Variants in ST3GAL4 observed in about 807,000 individuals in gnomAD.
ST3GAL4 encodes the protein CMP-N-acetylneuraminate-beta-galactosamide-alpha-2,3-sialyltransferase 4.
Under a neutral mutation model 42.6 loss-of-function variants are expected in ST3GAL4, and 24 were observed. That is an observed-to-expected ratio of 0.56 (90% CI 0.41 to 0.79). The LOEUF is 0.79. ST3GAL4 is among the 30% of genes least tolerant of loss of function. ST3GAL4 has a pLI of 0.00. For missense variants in ST3GAL4, 311 were observed against 430.8 expected, an observed-to-expected ratio of 0.72 and a Z score of 2.46; for synonymous variants, 135 against 163.2, an observed-to-expected ratio of 0.83 and a Z score of 1.32.
intron 1 of ST3GAL4, among the ~76,000 whole-genome samples, chr11:126,402,914 G>A: frequency 6.6e-6 from 1 of 152,328 alleles, no homozygotes; most frequent in Non-Finnish European, 1.5e-5. Context: ...TTGCCCAGCA[G>A]GTCGGGTGAG....
chr11:126,390,139 G>A (rs1953431577), intron 1 of ST3GAL4, among the ~76,000 whole-genome samples: 1 of 150,864 alleles, frequency 6.6e-6, no homozygotes, highest in Admixed American at 6.6e-5. Context: ...CTGAGATCAC[G>A]CCACTGCACT....
chr11:126,404,744 C>G (rs1417865419), intron 1 of ST3GAL4, among the ~76,000 whole-genome samples: 4 of 152,250 alleles, frequency 2.6e-5, no homozygotes, highest in African/African-American at 9.6e-5. Flanking sequence ...GTGCTTCTGA[C>G]TCTCCTGAGG....
chr11:126,364,389 C>T lies in ST3GAL4; in HGVS notation c.-61+8547C>T, dbSNP rs943502640. Among the ~76,000 whole-genome samples the T allele has an allele frequency of 2.1e-5, 3 of 144,748 alleles. No homozygotes were observed. In the Admixed American group the frequency reaches 2.1e-4, roughly 10 times the overall value. 95.0% of individuals were successfully genotyped at this position (144,748 alleles called of 152,430 possible). On this transcript the variant is annotated intron_variant, in intron 1 of 10. Coordinates refer to ENST00000444328, the MANE Select transcript of ST3GAL4 (RefSeq NM_001254757.2). ...GGGAGCAGGAGGGGGAAGTGCTGGT[C>T]TTGACCTCCCAGTTCTGCCTCCTGC...
chr11:126,374,677 G>C (rs679845), intron 1 of ST3GAL4, among the ~76,000 whole-genome samples: 2 of 152,102 alleles, frequency 1.3e-5, no homozygotes, highest in Non-Finnish European at 2.9e-5. Context: ...CTGGCCAGTA[G>C]AGCACGTGTG....
At chr11:126,357,783 C>T (rs1952118584) in intron 1 of ST3GAL4, among the ~76,000 whole-genome samples, 1 of 152,238 alleles carries the variant, frequency 6.6e-6, no homozygotes, top group African/African-American at 2.4e-5. Context: ...TGGGGGCTAC[C>T]CCAGGTCTGA....
chr11:126,405,894 G>T, intron 1 of ST3GAL4: 2 of 643,848 alleles, frequency 3.1e-6, no homozygotes, highest in Non-Finnish European at 5.3e-6. Flanking sequence ...CCGTGGCAGG[G>T]CTCACCTGGA....
rs1003204634 is a variant in ST3GAL4 at position 126,373,780 on chromosome 11, C to T, written c.-61+17938C>T. 1.8e-4 allele frequency among the ~76,000 whole-genome samples: 28 copies of T among 152,080 alleles called. No homozygotes were observed. Among genetic ancestry groups the T allele is most frequent in the African/African-American group, 6.8e-4 (28 of 41,410 alleles). Reference sequence around the variant, plus strand: ...TGAGGCAGTTAGCTGGTCAGTTACTCACTGTGCTCTCTGCCAACTCTAATG... The same window carrying T: ...TGAGGCAGTTAGCTGGTCAGTTACTTACTGTGCTCTCTGCCAACTCTAATG... On this transcript the variant is annotated intron_variant, in intron 1 of 10. Transcript: ENST00000444328. The surrounding 1 kb of genome is among the most constrained non-coding windows in gnomAD (Gnocchi z 5.5).
rs1045158694 is a variant in ST3GAL4, at chr11:126,366,674, G to A, written c.-61+10832G>A. Among the ~76,000 whole-genome samples the A allele has an allele frequency of 1.3e-5, 2 of 152,046 alleles. No individual in the cohort carries two copies. The highest frequency in any genetic ancestry group is 2.9e-5 in the Non-Finnish European group (2 of 68,026). On this transcript the variant is annotated intron_variant, in intron 1 of 10. Transcript: ENST00000444328. The surrounding 1 kb of genome is among the most constrained non-coding windows in gnomAD (Gnocchi z 4.2). ...AATGAGACTTCAGGTGTGGACCCTC[G>A]AACCCTCAGCTGCACAGGTCTGGAA...
rs890796451 is a variant in ST3GAL4 at position 126,407,701 on chromosome 11, C to T, written c.341+67C>T. The T allele has an allele frequency of 1.3e-5, 19 of 1,455,808 alleles. No individual in the cohort carries two copies. In the South Asian group the frequency reaches 1.8e-4, roughly 14 times the overall value. 90.2% of individuals were successfully genotyped at this position (1,455,808 alleles called of 1,614,324 possible). A position where few individuals can be genotyped will look rare whatever the true frequency, so the allele number is the denominator to read the frequency against. ...TTTCCTGCCCCCTGCCCGCTCCCCCCACTCCCCACCCCCCCGCTCTGTGAA... is the reference window on the plus strand; with the variant it reads ...TTTCCTGCCCCCTGCCCGCTCCCCCTACTCCCCACCCCCCCGCTCTGTGAA... On this transcript the variant is annotated intron_variant, in intron 6 of 10. Coordinates refer to ENST00000444328, the MANE Select transcript of ST3GAL4 (RefSeq NM_001254757.2).
rs1197700547 is a variant in ST3GAL4, at chr11:126,407,438, G to T, written c.280+89G>T. The stretch of plus-strand genomic sequence containing the variant: ...TGCCGTCCACGGCCCCAGTGCCCAA[G>T]TTCTGAGCCTGACTCGGGTACCAGG... On this transcript the variant is annotated intron_variant, in intron 5 of 10. Coordinates refer to ENST00000444328, the MANE Select transcript of ST3GAL4 (RefSeq NM_001254757.2). 3.2e-6 allele frequency: 5 copies of T among 1,567,042 alleles called. No individual in the cohort carries two copies. In the African/African-American group the frequency reaches 5.4e-5, roughly 17 times the overall value.
intron 1 of ST3GAL4, among the ~76,000 whole-genome samples, chr11:126,365,771 A>G (rs1172648771): frequency 2.6e-5 from 4 of 152,282 alleles, no homozygotes; most frequent in East Asian, 3.9e-4. Context: ...GGGTGGGCTG[A>G]GAGGACAGTC....
At chr11:126,402,091 A>AGCGGG (rs146212978) in intron 1 of ST3GAL4, among the ~76,000 whole-genome samples, 2 of 131,744 alleles carry the variant, frequency 1.5e-5, no homozygotes, top group East Asian at 6.3e-4. Flanking sequence ...ATTTGGGGGA[A>AGCGGG]AGAGGGGAGG....
chr11:126,388,628 G>A (rs1246106334), intron 1 of ST3GAL4, among the ~76,000 whole-genome samples: 1 of 143,560 alleles, frequency 7.0e-6, no homozygotes, highest in African/African-American at 2.7e-5. Flanking sequence ...CACTGCGCCT[G>A]GCCCTTTGCC....
intron 1 of ST3GAL4, among the ~76,000 whole-genome samples, chr11:126,404,427 G>T (rs1486274695): frequency 6.6e-6 from 1 of 152,166 alleles, no homozygotes; most frequent in African/African-American, 2.4e-5. Flanking sequence ...CTAGAGCTGC[G>T]AACAGGACAG....
At position 126,362,497 on chromosome 11, in the gene ST3GAL4, C is replaced by T. The variant is rs531845469; in HGVS notation, c.-61+6655C>T. Among the ~76,000 whole-genome samples the T allele has an allele frequency of 2.0e-5, 3 of 152,198 alleles. No individual in the cohort carries two copies. The South Asian group carries it at 6.2e-4, about 32-fold the overall frequency. On this transcript the variant is annotated intron_variant, in intron 1 of 10. Coordinates refer to ENST00000444328, the MANE Select transcript of ST3GAL4 (RefSeq NM_001254757.2). ...ATTATAGGTGTGAACTACCGTGCTC[C>T]GCCTGGCCAACACTTCTTAATGGGA... is the stretch of plus-strand genomic sequence containing the variant.
Position 126,408,161 on chromosome 11 carries a change from G to A in ST3GAL4, c.404G>A (p.Gly135Glu). 1 of 1,614,174 alleles carries A rather than the reference G, an allele frequency of 6.2e-7. No homozygotes were observed. Among genetic ancestry groups the A allele is most frequent in the South Asian group, 1.1e-5 (1 of 91,078 alleles). Residue 135 changes from glycine (G) to glutamate (E), a missense_variant, in exon 7 of 11, where the codon GGA becomes GAA. Coordinates refer to ENST00000444328, the MANE Select transcript of ST3GAL4 (RefSeq NM_001254757.2). ...CACCGGCTGCGGAACAGCTCACTGG[G>A]AGATGCCATCAACAAGTACGATGTG... ...NGHRLRNSSL[G>E]DAINKYDVVI...
Position 126,409,517 on chromosome 11 carries a change from C to A in ST3GAL4, c.771+106C>A. 2.7e-6 allele frequency: 4 copies of A among 1,486,710 alleles called. No individual in the cohort carries two copies. The highest frequency in any genetic ancestry group is 1.2e-5 in the South Asian group (1 of 82,360). 92.1% of individuals were successfully genotyped at this position (1,486,710 alleles called of 1,614,324 possible). On this transcript the variant is annotated intron_variant, in intron 9 of 10. Transcript: ENST00000444328. This position sits in a 1 kb window ranked among gnomAD's most constrained non-coding sequence, Gnocchi z 4.9. ...TGGAAGGATCCCATAACAGAGGCGG[C>A]GGTTTGCATTTTCCCTCCAGGAACA...
intron 1 of ST3GAL4, among the ~76,000 whole-genome samples, chr11:126,388,753 T>C (rs1330365197): frequency 1.6e-5 from 2 of 121,862 alleles, no homozygotes; most frequent in African/African-American, 6.6e-5. Context: ...AAATGTACTT[T>C]AGTTTTTCAG....
Position 126,366,187 on chromosome 11 carries a change from G to A in ST3GAL4, c.-61+10345G>A, listed in dbSNP as rs887790241. Reference sequence around the variant, plus strand: ...GCAAGCTGACAAACAAAGTCTATACGAGCCAGAGCTGGGGTGGGAGGAACC... The same window carrying A: ...GCAAGCTGACAAACAAAGTCTATACAAGCCAGAGCTGGGGTGGGAGGAACC... On this transcript the variant is annotated intron_variant, in intron 1 of 10. Transcript: ENST00000444328. This position sits in a 1 kb window ranked among gnomAD's most constrained non-coding sequence, Gnocchi z 4.2. Among the ~76,000 whole-genome samples the A allele has an allele frequency of 2.0e-5, 3 of 152,222 alleles. No individual in the cohort carries two copies. Among genetic ancestry groups the A allele is most frequent in the East Asian group, 1.9e-4 (1 of 5,192 alleles).
Sources: gnomAD v4.1 joint callset for allele counts (sites outside exome capture counted in the v4.1 genomes callset) on GRCh38, gnomAD v4.1.1 for gene constraint, Gnocchi (gnomAD v3.1) non-coding constraint, MANE v1.5 for transcripts, NCBI Gene and HGNC (gene_info 2026-07-23, HGNC 2026-07-21) for gene names.